The following EPHA6 variants were observed in gnomAD, a reference collection of about 807,000 sequenced individuals.
The protein encoded by EPHA6 is ephrin type-A receptor 6.
Under a neutral mutation model 112.0 loss-of-function variants are expected in EPHA6, and 50 were observed. The ratio of observed to expected loss-of-function variants is 0.45; its 90% confidence interval spans 0.36 to 0.56. EPHA6 has a LOEUF of 0.56. EPHA6 is among the 20% of genes least tolerant of loss of function. The pLI is 0.00. For synonymous variants in EPHA6, 529 were observed against 490.7 expected (o/e 1.08, Z -1.03); for missense variants, 1,280 against 1,417.4 (o/e 0.90, Z 1.56).
At chr3:97,647,606 G>A (rs889985669) in intron 14 of EPHA6, among the ~76,000 whole-genome samples, 6 of 152,062 alleles carry the variant, frequency 3.9e-5, no homozygotes, top group Non-Finnish European at 7.4e-5. Context: ...ATTAGGGTCC[G>A]CACCTAACAA....
chr3:97,655,924 A>T (rs1458545940), intron 14 of EPHA6, among the ~76,000 whole-genome samples: 1 of 151,802 alleles, frequency 6.6e-6, no homozygotes, highest in Non-Finnish European at 1.5e-5. Flanking sequence ...GAAGAGAAAG[A>T]TCTCTTAGTC....
intron 3 of EPHA6, among the ~76,000 whole-genome samples, chr3:97,135,656 A>G (rs1296483430): frequency 2.0e-5 from 3 of 151,908 alleles, no homozygotes; most frequent in Admixed American, 1.3e-4. Flanking sequence ...CTGTAATTCT[A>G]CAGTGCGAAC....
Position 97,328,078 on chromosome 3 carries a change from T to TATATAA in EPHA6, c.1607-77071_1607-77070insTATAAA, listed in dbSNP as rs1309698190. ...ACATATATATATATATATATATATA[T>TATATAA]AACCTGTTTTGTATAATCATTCATT... On this transcript the variant is annotated intron_variant, in intron 5 of 17. Transcript: ENST00000389672. 4.6e-4 allele frequency among the ~76,000 whole-genome samples: 64 copies of TATATAA among 138,238 alleles called. 1 individual carries two copies. The highest frequency in any genetic ancestry group is 3.7e-3 in the Middle Eastern group (1 of 270). The allele number at this position is 138,238 out of a possible 152,430, so 90.7% of individuals were successfully genotyped here.
intron 6 of EPHA6, among the ~76,000 whole-genome samples, chr3:97,426,277 T>C (rs1216198914): frequency 3.3e-5 from 5 of 152,174 alleles, no homozygotes. Flanking sequence ...CTCACAATCA[T>C]GGTGGAAGGC....
chr3:97,399,651 T>C (rs1161640890), intron 5 of EPHA6, among the ~76,000 whole-genome samples: 3 of 151,836 alleles, frequency 2.0e-5, no homozygotes, highest in East Asian at 1.9e-4. Context: ...TGATAGTTTA[T>C]TGTAATTTTG....
chr3:97,271,441 C>T (rs1315841432), intron 5 of EPHA6, among the ~76,000 whole-genome samples: 2 of 152,256 alleles, frequency 1.3e-5, no homozygotes, highest in African/African-American at 4.8e-5. Flanking sequence ...TCACTGCAAC[C>T]TCCGCTCCTG....
At chr3:97,437,248 G>T (rs1434739218) in intron 6 of EPHA6, among the ~76,000 whole-genome samples, 1 of 151,976 alleles carries the variant, frequency 6.6e-6, no homozygotes, top group Non-Finnish European at 1.5e-5. Context: ...CCATCATCTA[G>T]ATTTTTCTTT....
chr3:97,299,462 T>C (rs900930666), intron 5 of EPHA6, among the ~76,000 whole-genome samples: 2 of 152,152 alleles, frequency 1.3e-5, no homozygotes, highest in African/African-American at 4.8e-5. Context: ...GTGGGAGAGT[T>C]TGCTTTCTTT....
At chr3:97,608,539 A>G (rs1205309390) in intron 12 of EPHA6, among the ~76,000 whole-genome samples, 1 of 151,418 alleles carries the variant, frequency 6.6e-6, no homozygotes, top group East Asian at 1.9e-4. Context: ...AACATTTCAT[A>G]GTGTACACAA....
intron 1 of EPHA6, among the ~76,000 whole-genome samples, chr3:96,840,723 G>A (rs540103845): frequency 2.6e-5 from 4 of 152,126 alleles, no homozygotes; most frequent in African/African-American, 7.2e-5. Context: ...CCTGATTACC[G>A]GCCGGTGTCT....
chr3:97,076,801 C>T (rs747071197), intron 3 of EPHA6, among the ~76,000 whole-genome samples: 2 of 152,060 alleles, frequency 1.3e-5, no homozygotes, highest in Non-Finnish European at 2.9e-5. Flanking sequence ...TTCTAGGACC[C>T]TTAAGAATTA....
chr3:97,545,470 G>A (rs1236192602), intron 11 of EPHA6, among the ~76,000 whole-genome samples: 1 of 152,188 alleles, frequency 6.6e-6, no homozygotes, highest in Non-Finnish European at 1.5e-5. Flanking sequence ...TTGCTGAGGA[G>A]TGCTTTACTT....
chr3:97,152,168 G>T (rs2076185732), intron 3 of EPHA6, among the ~76,000 whole-genome samples: 1 of 151,892 alleles, frequency 6.6e-6, no homozygotes, highest in Non-Finnish European at 1.5e-5. Flanking sequence ...TTATACTCCT[G>T]TACAAAGTTT....
At chr3:97,446,779 C>T (rs1450984531) in intron 6 of EPHA6, among the ~76,000 whole-genome samples, 1 of 152,064 alleles carries the variant, frequency 6.6e-6, no homozygotes, top group Admixed American at 6.6e-5. Flanking sequence ...ATTTTTTCTC[C>T]ACAATATGTG....
chr3:97,143,165 GAC>G (rs146280281), intron 3 of EPHA6, among the ~76,000 whole-genome samples: 9 of 150,646 alleles, frequency 6.0e-5, no homozygotes, highest in East Asian at 3.9e-4. Context: ...ATTAACAATA[GAC>G]ACACACACAC....
chr3:97,737,504 C>G (rs1411387524), intron 16 of EPHA6, among the ~76,000 whole-genome samples: 1 of 151,732 alleles, frequency 6.6e-6, no homozygotes, highest in Non-Finnish European at 1.5e-5. Context: ...ATCTTAGTCA[C>G]TGTTTGAATA....
intron 5 of EPHA6, among the ~76,000 whole-genome samples, chr3:97,255,566 A>T (rs959125837): frequency 6.6e-6 from 1 of 152,214 alleles, no homozygotes; most frequent in Non-Finnish European, 1.5e-5. Flanking sequence ...AATGAAATCT[A>T]TGGTAAAATA....
At chr3:97,019,057 A>G (rs977866490) in intron 3 of EPHA6, among the ~76,000 whole-genome samples, 1 of 152,156 alleles carries the variant, frequency 6.6e-6, no homozygotes, top group African/African-American at 2.4e-5. Flanking sequence ...ATGATTATAG[A>G]GGGAGGATTA....
rs181215984 is a variant in EPHA6, at chr3:96,942,110, G to A, written c.451-45220G>A. ...TGCCCATTCTCAGATCTCCAGCTGCGTGCTGGGAGAACCACTACTCTCCTC... is the reference window on the plus strand; with the variant it reads ...TGCCCATTCTCAGATCTCCAGCTGCATGCTGGGAGAACCACTACTCTCCTC... On this transcript the variant is annotated intron_variant, in intron 2 of 17. Coordinates refer to ENST00000389672, the MANE Select transcript of EPHA6 (RefSeq NM_001080448.3). 1.1e-3 allele frequency among the ~76,000 whole-genome samples: 170 copies of A among 152,292 alleles called. 1 individual carries two copies. The highest frequency in any genetic ancestry group is 1.6e-3 in the Non-Finnish European group (108 of 68,022).
Sources: gnomAD v4.1 joint callset for allele counts (sites outside exome capture counted in the v4.1 genomes callset) on GRCh38, gnomAD v4.1.1 for gene constraint, MANE v1.5 for transcripts, NCBI Gene and HGNC (gene_info 2026-07-23, HGNC 2026-07-21) for gene names.